Variants in PDCD1 observed in about 807,000 individuals in gnomAD.
PDCD1 encodes programmed cell death 1, also known as programmed cell death protein 1.
PDCD1 carries 10 observed loss-of-function variants against 23.6 expected under a neutral mutation model. The observed-to-expected ratio is 0.42, with a 90% CI of 0.26 to 0.72. The LOEUF (loss-of-function observed/expected upper bound fraction) is 0.72. Ranked by LOEUF, PDCD1 falls within the 30% of genes least tolerant of loss-of-function variation. PDCD1 has a pLI of 0.24. For synonymous variants in PDCD1, 168 were observed against 169.3 expected (o/e 0.99, Z 0.06); for missense variants, 313 against 397.8 (o/e 0.79, Z 1.81).
intron 1 of PDCD1, among the ~76,000 whole-genome samples, chr2:241,857,533 C>T (rs1475001519): frequency 6.7e-6 from 1 of 149,808 alleles, no homozygotes; most frequent in Non-Finnish European, 1.5e-5. Context: ...CCCTCTGGTT[C>T]CCCCGCAGTC....
At chr2:241,855,345 A>C (rs1262044655) in intron 1 of PDCD1, among the ~76,000 whole-genome samples, 1 of 151,940 alleles carries the variant, frequency 6.6e-6, no homozygotes, top group African/African-American at 2.4e-5. Context: ...GCCTCACCCC[A>C]GTCCTCAGGC....
chr2:241,857,912 C>T (rs535661367), intron 1 of PDCD1, among the ~76,000 whole-genome samples: 1 of 152,200 alleles, frequency 6.6e-6, no homozygotes, highest in South Asian at 2.1e-4. Context: ...CCTCCCCAGG[C>T]CTTGGCATCC....
rs1404405881 is a variant in PDCD1, at chr2:241,850,051, G to C, written c.*1007C>G. ...TGTGAGGAGTGGATAGGCCACGGCG[G>C]GGGTACTAGGCCCCGGGGGAACGCC... On this transcript the variant is annotated 3_prime_UTR_variant, in exon 5 of 5. Transcript: ENST00000334409. 4.4e-6 allele frequency: 1 copy of C among 228,650 alleles called. No homozygotes were observed. Among genetic ancestry groups the C allele is most frequent in the Admixed American group, 5.7e-5 (1 of 17,592 alleles). The allele number at this position is 228,650 out of a possible 1,614,324, so 14.2% of individuals were successfully genotyped here.
At chr2:241,857,486 G>A (rs13023138) in intron 1 of PDCD1, among the ~76,000 whole-genome samples, 5 of 151,940 alleles carry the variant, frequency 3.3e-5, no homozygotes, top group Non-Finnish European at 7.4e-5. Context: ...CTCCTGCCTC[G>A]CTCAGCTCCC....
chr2:241,852,405 G>C, intron 2 of PDCD1, 52 bp from the exon 3 acceptor site: 1 of 1,309,812 alleles, frequency 7.6e-7, no homozygotes, highest in Non-Finnish European at 1.1e-6. Flanking sequence ...TGGAGGGTCA[G>C]GGTCAGGGGT....
chr2:241,851,498 T>A (rs1700902546), intron 4 of PDCD1, among the ~76,000 whole-genome samples: 2 of 152,220 alleles, frequency 1.3e-5, no homozygotes, highest in Admixed American at 1.3e-4. Context: ...CCCTCTGAAA[T>A]GTCCCTGGCA....
In PDCD1 at chr2:241,850,457, G is replaced by GC. The variant is rs1297305535; in HGVS notation, c.*600dup. ...ATGTGTAAAGGTGGAGGGGTTTCCTGCCCTGCCCACCACAGCCAGGAGCTC... is the reference window on the plus strand; with the variant it reads ...ATGTGTAAAGGTGGAGGGGTTTCCTGCCCCTGCCCACCACAGCCAGGAGCTC... On this transcript the variant is annotated 3_prime_UTR_variant, in exon 5 of 5. Coordinates refer to ENST00000334409, the MANE Select transcript of PDCD1 (RefSeq NM_005018.3). The GC allele has an allele frequency of 3.9e-6, 1 of 253,286 alleles. No homozygotes were observed. The highest frequency in any genetic ancestry group is 7.7e-6 in the Non-Finnish European group (1 of 130,338). 15.7% of individuals were successfully genotyped at this position (253,286 alleles called of 1,614,324 possible). A position where few individuals can be genotyped will look rare whatever the true frequency, so the allele number is the denominator to read the frequency against.
At chr2:241,854,393 C>G (rs1352088142) in intron 1 of PDCD1, among the ~76,000 whole-genome samples, 1 of 152,208 alleles carries the variant, frequency 6.6e-6, no homozygotes, top group African/African-American at 2.4e-5. Flanking sequence ...GCCGGCCGGC[C>G]AGGGGAAGCT....
In PDCD1 at chr2:241,852,602, G is replaced by A. The variant is rs778832803; in HGVS notation, c.436+19C>T. 30 of 1,603,704 alleles carry A rather than the reference G, an allele frequency of 1.9e-5. No individual in the cohort carries two copies. The highest frequency in any genetic ancestry group is 1.1e-4 in the East Asian group (5 of 44,732). On this transcript the variant is annotated intron_variant, in intron 2 of 4. Transcript: ENST00000334409. The stretch of plus-strand genomic sequence containing the variant: ...GACCGGCTCAGCTCACCCCTGCCCC[G>A]GGGCCTCCGAGGCCGCACCTGTCAC...
intron 1 of PDCD1, 38 bp from the exon 2 acceptor site, chr2:241,853,018 C>T (rs1330399669): frequency 4.6e-6 from 7 of 1,523,488 alleles, no homozygotes; most frequent in Non-Finnish European, 6.2e-6. Context: ...GGCTGGGTGG[C>T]CCCACAAAGC....
chr2:241,852,097 A>AGGGGGGGGGGGGG, intron 3 of PDCD1, 101 bp downstream of exon 3: 1 of 312,390 alleles, frequency 3.2e-6, no homozygotes, highest in African/African-American at 1.1e-4. Flanking sequence ...AGATGGGGGG[A>AGGGGGGGGGGGGG]GGTGGGGTGG....
At chr2:241,853,817 G>A (rs1184871248) in intron 1 of PDCD1, among the ~76,000 whole-genome samples, 2 of 152,252 alleles carry the variant, frequency 1.3e-5, no homozygotes, top group African/African-American at 2.4e-5. Context: ...CTCACCCACA[G>A]GTCCCATGCC....
chr2:241,858,014 T>C (rs74000564), intron 1 of PDCD1, among the ~76,000 whole-genome samples: 9,022 of 151,932 alleles, frequency 0.059, 1,019 homozygotes, highest in East Asian at 0.48. Flanking sequence ...GGGCCCAGGG[T>C]CACGGGCAGC....
intron 1 of PDCD1, among the ~76,000 whole-genome samples, chr2:241,853,991 C>T (rs553665186): frequency 2.6e-5 from 4 of 152,334 alleles, no homozygotes; most frequent in Admixed American, 6.5e-5. Flanking sequence ...AGGCGGCCTC[C>T]GTGGCAGGCG....
chr2:241,857,457 G>C (rs1044072676), intron 1 of PDCD1, among the ~76,000 whole-genome samples: 6 of 152,308 alleles, frequency 3.9e-5, no homozygotes, highest in East Asian at 1.9e-4. Context: ...CGGGACACGG[G>C]GGGAGAGGCT....
At chr2:241,857,423 G>A (rs534955509) in intron 1 of PDCD1, among the ~76,000 whole-genome samples, 20 of 152,286 alleles carry the variant, frequency 1.3e-4, no homozygotes, top group Middle Eastern at 3.4e-3. Flanking sequence ...GGAGGGTGGC[G>A]TCCCGAGGGC....
chr2:241,852,573 C>A (rs756465012), intron 2 of PDCD1, 48 bp downstream of exon 2: 6 of 1,586,998 alleles, frequency 3.8e-6, no homozygotes, highest in South Asian at 1.1e-5. Flanking sequence ...GACACCCACC[C>A]CAGGACCGGC....
intron 1 of PDCD1, among the ~76,000 whole-genome samples, chr2:241,854,305 C>T (rs554950737): frequency 1.9e-3 from 282 of 152,350 alleles, no homozygotes; most frequent in Admixed American, 2.9e-3. Flanking sequence ...TGGTGGTGTT[C>T]CCAGAGGTGG....
intron 1 of PDCD1, among the ~76,000 whole-genome samples, chr2:241,855,339 C>T (rs1344939925): frequency 6.6e-6 from 1 of 152,126 alleles, no homozygotes; most frequent in Admixed American, 6.5e-5. Flanking sequence ...GGGCCTGCCT[C>T]ACCCCAGTCC....
Sources: gnomAD v4.1 joint callset for allele counts (sites outside exome capture counted in the v4.1 genomes callset) on GRCh38, gnomAD v4.1.1 for gene constraint, MANE v1.5 for transcripts, NCBI Gene and HGNC (gene_info 2026-07-23, HGNC 2026-07-21) for gene names.